The following FNDC1 variants were observed in gnomAD, a reference collection of about 807,000 sequenced individuals.
FNDC1 encodes fibronectin type III domain-containing protein 1.
A neutral mutation model predicts 168.0 loss-of-function variants in FNDC1; 96 were observed. The ratio of observed to expected loss-of-function variants is 0.57; its 90% CI spans 0.48 to 0.68. The LOEUF (loss-of-function observed/expected upper bound fraction) is 0.68. Ranked by LOEUF, FNDC1 falls within the 30% of genes least tolerant of loss-of-function variation. FNDC1 has a pLI of 0.00. For synonymous variants in FNDC1, 1,099 were observed against 1,025.9 expected (o/e 1.07, Z -1.36); for missense variants, 2,587 against 2,482.1 (o/e 1.04, Z -0.90).
chr6:159,249,245 C>T (rs982185176), intron 16 of FNDC1, 63 bp downstream of exon 16: 1 of 1,461,616 alleles, frequency 6.8e-7, no homozygotes, highest in Non-Finnish European at 9.2e-7. Context: ...TGAAGAAAAA[C>T]ATTACTAATC....
intron 21 of FNDC1, among the ~76,000 whole-genome samples, chr6:159,267,299 A>C (rs1024568161): frequency 2.0e-5 from 3 of 152,140 alleles, no homozygotes; most frequent in Admixed American, 6.5e-5. Flanking sequence ...GAGAGGCTGC[A>C]TAACCATGTG....
chr6:159,213,060 G>A (rs929318120), intron 4 of FNDC1, among the ~76,000 whole-genome samples: 1 of 152,214 alleles, frequency 6.6e-6, no homozygotes, highest in African/African-American at 2.4e-5. Context: ...TGAACTATGT[G>A]AGAGCTTGCT....
At chr6:159,241,017 G>A (rs1783408040) in intron 14 of FNDC1, 1 of 152,200 alleles carries the variant, frequency 6.6e-6, no homozygotes, top group Non-Finnish European at 1.5e-5. Context: ...AATTCTGTTG[G>A]AAGTTAGTCT....
intron 1 of FNDC1, among the ~76,000 whole-genome samples, chr6:159,179,679 A>G (rs150782641): frequency 1.7e-4 from 26 of 152,262 alleles, no homozygotes; most frequent in Non-Finnish European, 3.1e-4. Context: ...ATATTTGGCT[A>G]TCTTCCTTTG....
intron 15 of FNDC1, 115 bp downstream of exon 15, chr6:159,247,084 G>A: frequency 2.5e-6 from 2 of 809,122 alleles, no homozygotes; most frequent in African/African-American, 1.7e-5. Context: ...CTTTGGGCCG[G>A]TGGCAATGCC....
rs547791202 is a variant in FNDC1, at chr6:159,239,793, G to A, written c.4457G>A (p.Arg1486His). The change falls in exon 14 of 23, where the codon CGT (arginine) becomes CAT (histidine). Residue 1486 changes from arginine to histidine, a missense_variant. Transcript: ENST00000297267. Reference sequence around the variant, plus strand: ...ACCACCCGCCGCACGACCACCAGGCGTCCAACAACCACAGTCCGAACCACT... The same window carrying A: ...ACCACCCGCCGCACGACCACCAGGCATCCAACAACCACAGTCCGAACCACT... Reference protein sequence around the residue: ...TTTTRRTTTRRPTTTVRTTTR... With the variant: ...TTTTRRTTTRHPTTTVRTTTR... The A allele has an allele frequency of 6.9e-5, 106 of 1,545,088 alleles. 1 individual carries two copies. Among genetic ancestry groups the A allele is most frequent in the South Asian group, 5.0e-4 (42 of 83,680 alleles).
At chr6:159,207,171 A>G (rs181153061) in intron 4 of FNDC1, among the ~76,000 whole-genome samples, 14 of 152,176 alleles carry the variant, frequency 9.2e-5, no homozygotes, top group African/African-American at 3.1e-4. Flanking sequence ...AAAGAGATTG[A>G]TTGGGCACAG....
In FNDC1 at chr6:159,246,912, G is replaced by A. The variant is rs1777148242; in HGVS notation, c.4633G>A (p.Gly1545Ser). Residue 1545 changes from glycine (G) to serine (S), a missense_variant, in exon 15 of 23, where the codon GGC becomes AGC. Physicochemically the swap from Gly to Ser is moderately conservative, Grantham distance 56. Coordinates refer to ENST00000297267, the MANE Select transcript of FNDC1 (RefSeq NM_032532.3). The part of the protein sequence containing the change: ...ECYAEEDEFS[G>S]LETDTAVPTE... ...TCTGTCCTCACTAGATGAGTTCTCA[G>A]GCTTGGAGACTGACACTGCAGTACC... The A allele has an allele frequency of 1.2e-6, 2 of 1,612,410 alleles. No homozygotes were observed. Among genetic ancestry groups the A allele is most frequent in the East Asian group, 2.2e-5 (1 of 44,896 alleles).
intron 18 of FNDC1, among the ~76,000 whole-genome samples, chr6:159,260,611 T>C (rs1777461990): frequency 6.6e-6 from 1 of 152,182 alleles, no homozygotes; most frequent in Non-Finnish European, 1.5e-5. Flanking sequence ...CAATATACCA[T>C]TGTCATGTTA....
intron 5 of FNDC1, among the ~76,000 whole-genome samples, chr6:159,219,089 G>A (rs1291890917): frequency 6.6e-6 from 1 of 150,426 alleles, no homozygotes; most frequent in African/African-American, 2.5e-5. Flanking sequence ...CACCCAGGCT[G>A]GAGTGCAGTG....
At chr6:159,265,368 C>T (rs1229207984) in intron 20 of FNDC1, among the ~76,000 whole-genome samples, 2 of 152,068 alleles carry the variant, frequency 1.3e-5, no homozygotes, top group Non-Finnish European at 2.9e-5. Context: ...ATTGAGAAAA[C>T]CTTGTTGCTT....
intron 1 of FNDC1, among the ~76,000 whole-genome samples, chr6:159,188,369 CTTTTTTTTTTTTTTTTTT>C (rs61551779): frequency 7.8e-6 from 1 of 128,638 alleles, no homozygotes; most frequent in Non-Finnish European, 1.7e-5. Context: ...CAATTTCTTT[CTTTTTTTTTTTTTTTTTT>C]TTTTTGAGAC....
At chr6:159,203,350 G>A (rs1782415464) in intron 4 of FNDC1, among the ~76,000 whole-genome samples, 1 of 152,164 alleles carries the variant, frequency 6.6e-6, no homozygotes, top group Non-Finnish European at 1.5e-5. Context: ...TGATAAGATG[G>A]TGGCACCAAG....
At chr6:159,237,505 A>G (rs1183765973) in intron 12 of FNDC1, among the ~76,000 whole-genome samples, 1 of 152,240 alleles carries the variant, frequency 6.6e-6, no homozygotes, top group East Asian at 1.9e-4. Context: ...CAAGTTTTAC[A>G]GTTCCTTAGA....
chr6:159,250,673 C>T (rs1477627766), intron 16 of FNDC1, among the ~76,000 whole-genome samples: 1 of 152,166 alleles, frequency 6.6e-6, no homozygotes, highest in African/African-American at 2.4e-5. Flanking sequence ...ACTCCCAGGA[C>T]CATGTATCCC....
intron 9 of FNDC1, among the ~76,000 whole-genome samples, chr6:159,228,121 T>C (rs1349772819): frequency 1.3e-5 from 2 of 152,232 alleles, no homozygotes; most frequent in African/African-American, 4.8e-5. Context: ...ATGCTACTTA[T>C]GTACTCTTCC....
In FNDC1 at chr6:159,250,222, T is replaced by C. The variant is rs555430621; in HGVS notation, c.4834+1040T>C. On this transcript the variant is annotated intron_variant, in intron 16 of 22. Transcript: ENST00000297267. ...TCCCCAAACTTCCTGATAAGACCCATGGACAAGTTCTAAAGGCCTAGCTTC... is the reference window on the plus strand; with the variant it reads ...TCCCCAAACTTCCTGATAAGACCCACGGACAAGTTCTAAAGGCCTAGCTTC... 2.6e-4 allele frequency among the ~76,000 whole-genome samples: 40 copies of C among 152,340 alleles called. No individual in the cohort carries two copies. In the South Asian group the frequency reaches 7.0e-3, roughly 27 times the overall value.
At chr6:159,200,607 T>A in intron 4 of FNDC1, 26 bp downstream of exon 4, 1 of 1,543,790 alleles carries the variant, frequency 6.5e-7, no homozygotes, top group East Asian at 2.3e-5. Context: ...TCATGTCAGA[T>A]TCATGTTTTC....
chr6:159,216,213 C>T (rs1782707070), intron 5 of FNDC1, among the ~76,000 whole-genome samples: 1 of 152,222 alleles, frequency 6.6e-6, no homozygotes, highest in African/African-American at 2.4e-5. Context: ...CCACCCACCT[C>T]AGCCTCCCAA....
Sources: allele counts gnomAD v4.1 joint callset (sites outside exome capture counted in the v4.1 genomes callset), GRCh38; gene constraint gnomAD v4.1.1; transcripts MANE v1.5; gene names NCBI Gene and HGNC (gene_info 2026-07-23, HGNC 2026-07-21).